The following PHTF1 variants were observed in gnomAD, a reference collection of about 807,000 sequenced individuals.
PHTF1 encodes the protein putative homeodomain transcription factor 1.
PHTF1 carries 88 observed loss-of-function variants against 102.4 expected under a neutral mutation model. The observed-to-expected ratio is 0.86, with a 90% CI of 0.72 to 1.03. The LOEUF is 1.03. Ranked by LOEUF, PHTF1 falls within the 50% of genes least tolerant of loss-of-function variation. The pLI is 0.00. For missense variants in PHTF1, 814 were observed against 909.5 expected (o/e 0.89, Z 1.35); for synonymous variants, 289 against 305.2 (o/e 0.95, Z 0.55).
chr1:113,705,860 G>GT, intron 13 of PHTF1, 30 bp downstream of exon 13: 1 of 1,577,530 alleles, frequency 6.3e-7, no homozygotes, highest in Non-Finnish European at 8.6e-7. Flanking sequence ...ACAAAAACAG[G>GT]TAAAAAATTT....
Position 113,757,753 on chromosome 1 carries a change from A to G in PHTF1, c.48T>C (p.Ile16=), listed in dbSNP as rs1160678373. 6.3e-7 allele frequency: 1 copy of G among 1,591,760 alleles called. No homozygotes were observed. The highest frequency in any genetic ancestry group is 8.6e-7 in the Non-Finnish European group (1 of 1,159,774). ...RDAISWYQKK[I]GAYDQQIWEK... is the part of the protein sequence containing the mutation. ...CCCATATCTGCTGATCGTAGGCTCC[A>G]ATCTGAAAGAGGGAGTAGTCTATTA... Residue 16 remains isoleucine (I), a splice_region_variant and synonymous_variant, in exon 3 of 19, where the codon ATT becomes ATC. Transcript: ENST00000369604.
At chr1:113,747,263 T>C (rs564831157) in intron 3 of PHTF1, among the ~76,000 whole-genome samples, 112 of 152,380 alleles carry the variant, frequency 7.4e-4, no homozygotes, top group African/African-American at 2.5e-3. Flanking sequence ...TGAACTATTA[T>C]ATTTTCCTCT....
intron 7 of PHTF1, among the ~76,000 whole-genome samples, chr1:113,717,106 C>T (rs964513233): frequency 1.3e-5 from 2 of 152,020 alleles, no homozygotes; most frequent in African/African-American, 4.8e-5. Flanking sequence ...TTTCTCTTTG[C>T]TGGTTTATGA....
intron 3 of PHTF1, among the ~76,000 whole-genome samples, chr1:113,746,332 A>C (rs1657226427): frequency 6.6e-6 from 1 of 152,236 alleles, no homozygotes; most frequent in Non-Finnish European, 1.5e-5. Context: ...TGAATAGGAA[A>C]GGTAAGAAAA....
chr1:113,725,092 C>A (rs1181656253), intron 6 of PHTF1, among the ~76,000 whole-genome samples, 199 bp from the exon 7 acceptor site: 1 of 152,036 alleles, frequency 6.6e-6, no homozygotes, highest in Admixed American at 6.6e-5. Context: ...CCTATGCTAC[C>A]ATTTTGTTCA....
intron 5 of PHTF1, among the ~76,000 whole-genome samples, chr1:113,735,409 A>G (rs1296142711): frequency 2.0e-5 from 3 of 150,790 alleles, no homozygotes; most frequent in South Asian, 4.2e-4. Flanking sequence ...AGCTATACAA[A>G]GATGTTTATG....
intron 7 of PHTF1, among the ~76,000 whole-genome samples, chr1:113,716,729 A>G (rs1427954795): frequency 6.6e-6 from 1 of 152,180 alleles, no homozygotes; most frequent in African/African-American, 2.4e-5. Flanking sequence ...ACTTCAAACA[A>G]GAAGTAAAAA....
chr1:113,758,568 TA>T, intron 2 of PHTF1, 90 bp downstream of exon 2: 1 of 650,632 alleles, frequency 1.5e-6, no homozygotes, highest in Non-Finnish European at 2.5e-6. Context: ...CTGGCACTAC[TA>T]AACTCGGGGG....
rs1339673957 is a variant in PHTF1, at chr1:113,758,707, T to A, written c.-4A>T. On this transcript the variant is annotated 5_prime_UTR_variant, in exon 2 of 19. Transcript: ENST00000369604. The stretch of plus-strand genomic sequence containing the variant: ...CATCTCTCTCATTTGAGGCCATCTG[T>A]GTCTCCAGCCAGAGAATGGGATTTC... 1 of 1,611,166 alleles carries A rather than the reference T, an allele frequency of 6.2e-7. No homozygotes were observed. The highest frequency in any genetic ancestry group is 2.2e-5 in the East Asian group (1 of 44,536).
In PHTF1 at chr1:113,759,208, GC is replaced by G. The variant is rs1051096878; in HGVS notation, c.-217del. ...GCCCCAGCTTCGGAGGCAGCCGGCC[GC>G]CCAGCGCCCTGAGGGCGGCAAATCG... On this transcript the variant is annotated 5_prime_UTR_variant, in exon 1 of 19. Coordinates refer to ENST00000369604, the MANE Select transcript of PHTF1 (RefSeq NM_001323043.2). 3 of 464,110 alleles carry G rather than the reference GC, an allele frequency of 6.5e-6. No homozygotes were observed. Among genetic ancestry groups the G allele is most frequent in the African/African-American group, 4.2e-5 (2 of 47,448 alleles). The allele number at this position is 464,110 out of a possible 1,614,324, so 28.7% of individuals were successfully genotyped here. A position where few individuals can be genotyped will look rare whatever the true frequency, so the allele number is the denominator to read the frequency against.
intron 5 of PHTF1, among the ~76,000 whole-genome samples, chr1:113,727,396 C>T (rs1394167009): frequency 3.9e-5 from 6 of 152,082 alleles, no homozygotes; most frequent in African/African-American, 7.2e-5. Context: ...AAAACTAGTA[C>T]CTGGAGCACA....
intron 3 of PHTF1, among the ~76,000 whole-genome samples, chr1:113,752,236 T>C (rs1658189844): frequency 6.6e-6 from 1 of 152,042 alleles, no homozygotes. Flanking sequence ...TTTTATGTCA[T>C]TCCTAAGTGT....
intron 17 of PHTF1, chr1:113,698,748 C>CA: frequency 4.6e-6 from 1 of 215,370 alleles, no homozygotes; most frequent in Non-Finnish European, 9.1e-6. Context: ...GTTATTAACC[C>CA]AAAACCATCA....
chr1:113,713,633 T>C (rs1267336113), intron 7 of PHTF1, 195 bp from the exon 8 acceptor site: 1 of 527,820 alleles, frequency 1.9e-6, no homozygotes, highest in African/African-American at 1.9e-5. Context: ...AATGTGAGTC[T>C]ATTCTTCAAA....
At chr1:113,746,765 A>G (rs1177304878) in intron 3 of PHTF1, 1 of 437,010 alleles carries the variant, frequency 2.3e-6, no homozygotes, top group African/African-American at 2.1e-5. Flanking sequence ...TTTGGAGGAA[A>G]AATGTTGTAA....
chr1:113,727,647 T>C (rs1367252280), intron 5 of PHTF1, among the ~76,000 whole-genome samples: 1 of 152,198 alleles, frequency 6.6e-6, no homozygotes, highest in Non-Finnish European at 1.5e-5. Flanking sequence ...ATACAAATCA[T>C]CTCAATTGAC....
chr1:113,740,565 T>C (rs1337251258), intron 3 of PHTF1, among the ~76,000 whole-genome samples: 1 of 152,198 alleles, frequency 6.6e-6, no homozygotes, highest in Admixed American at 6.5e-5. Context: ...GCTTTCTAGT[T>C]TGATACAATC....
At position 113,734,442 on chromosome 1, in the gene PHTF1, G is replaced by A. The variant is rs572861961; in HGVS notation, c.331+3668C>T. On this transcript the variant is annotated intron_variant, in intron 5 of 18. Transcript: ENST00000369604. ...GAGAAATAATATGTTATTAGAAACT[G>A]AAGGAAAAACAATCCTTGTTACAGA... is the stretch of plus-strand genomic sequence containing the variant. 1.4e-4 allele frequency among the ~76,000 whole-genome samples: 21 copies of A among 152,318 alleles called. No individual in the cohort carries two copies. In the South Asian group the frequency reaches 4.4e-3, roughly 32 times the overall value.
chr1:113,756,924 T>C (rs1290578837), intron 3 of PHTF1, among the ~76,000 whole-genome samples: 2 of 152,128 alleles, frequency 1.3e-5, no homozygotes, highest in African/African-American at 2.4e-5. Flanking sequence ...TCCCAGCACT[T>C]TGGGAGTCGG....
Sources: allele counts gnomAD v4.1 joint callset (sites outside exome capture counted in the v4.1 genomes callset), GRCh38; gene constraint gnomAD v4.1.1; transcripts MANE v1.5; gene names NCBI Gene and HGNC (gene_info 2026-07-23, HGNC 2026-07-21).